RORB: variants seen among roughly 807,000 people sequenced by gnomAD.
The protein encoded by RORB is RAR related orphan receptor B.
In RORB, 6 loss-of-function variants were observed where a neutral mutation model predicts 59.1. The observed-to-expected ratio is 0.10, with a 90% CI of 0.06 to 0.20. The LOEUF (loss-of-function observed/expected upper bound fraction) is 0.20, where lower values mean the gene tolerates loss of function less well. RORB is among the 10% of genes least tolerant of loss of function. RORB has a pLI of 1.00. For synonymous variants in RORB, 215 were observed against 204.5 expected, an observed-to-expected ratio of 1.05 and a Z score of -0.44; for missense variants, 320 against 560.5, an observed-to-expected ratio of 0.57 and a Z score of 4.33.
chr9:74,618,193 G>C (rs1377627764), intron 1 of RORB, among the ~76,000 whole-genome samples: 4 of 152,046 alleles, frequency 2.6e-5, no homozygotes, highest in Admixed American at 6.6e-5. Flanking sequence ...TCTATAGTTT[G>C]TGTATGTAAG....
intron 9 of RORB, among the ~76,000 whole-genome samples, chr9:74,679,422 C>T (rs541642174): frequency 4.7e-4 from 72 of 152,246 alleles, no homozygotes; most frequent in African/African-American, 1.7e-3. Context: ...CCTCAGGCTT[C>T]CTCCCAACAG....
intron 1 of RORB, among the ~76,000 whole-genome samples, chr9:74,629,833 T>A (rs1823586461): frequency 6.6e-6 from 1 of 152,318 alleles, no homozygotes; most frequent in South Asian, 2.1e-4. Flanking sequence ...TACCATGCAC[T>A]GCTCCCTCCC....
chr9:74,667,713 T>G, intron 7 of RORB, 78 bp from the exon 8 acceptor site: 1 of 864,066 alleles, frequency 1.2e-6, no homozygotes, highest in Non-Finnish European at 2.0e-6. Context: ...GGATAGCTTA[T>G]TGATTATGAG....
intron 1 of RORB, among the ~76,000 whole-genome samples, chr9:74,538,729 A>C (rs867881429): frequency 3.1e-5 from 1 of 31,924 alleles, no homozygotes; most frequent in Non-Finnish European, 6.3e-5. Context: ...ACAAAGATGC[A>C]AAAAAAAAAA....
intron 1 of RORB, among the ~76,000 whole-genome samples, chr9:74,513,834 A>G (rs997806581): frequency 1.3e-5 from 2 of 152,128 alleles, no homozygotes; most frequent in Non-Finnish European, 2.9e-5. Flanking sequence ...CTATTTTAAT[A>G]TATAAAATCT....
At chr9:74,569,740 A>AAAGG (rs1433113111) in intron 1 of RORB, among the ~76,000 whole-genome samples, 1 of 152,054 alleles carries the variant, frequency 6.6e-6, no homozygotes, top group Admixed American at 6.5e-5. Context: ...AAAACAATAA[A>AAAGG]AAGGAAATTA....
chr9:74,674,687 T>G (rs895982815), intron 9 of RORB, among the ~76,000 whole-genome samples: 2 of 152,356 alleles, frequency 1.3e-5, no homozygotes, highest in African/African-American at 4.8e-5. Flanking sequence ...ATCCTAACAT[T>G]AACTAGAAGA....
At chr9:74,544,721 T>TCCTG (rs1826461996) in intron 1 of RORB, among the ~76,000 whole-genome samples, 1 of 152,204 alleles carries the variant, frequency 6.6e-6, no homozygotes, top group Admixed American at 6.5e-5. Flanking sequence ...ATGCACAGGT[T>TCCTG]CCTGTCTCCT....
intron 1 of RORB, among the ~76,000 whole-genome samples, chr9:74,592,599 T>C (rs2118293351): frequency 6.6e-6 from 1 of 152,224 alleles, no homozygotes; most frequent in African/African-American, 2.4e-5. Context: ...TGGCTAGTAA[T>C]GGTCAGCAAC....
intron 4 of RORB, among the ~76,000 whole-genome samples, chr9:74,648,040 A>G (rs936287731): frequency 1.3e-5 from 2 of 152,216 alleles, no homozygotes; most frequent in African/African-American, 2.4e-5. Flanking sequence ...GTGTCCTGTG[A>G]TAGAACCTGT....
intron 1 of RORB, among the ~76,000 whole-genome samples, chr9:74,564,575 G>A (rs1260867105): frequency 6.6e-6 from 1 of 152,130 alleles, no homozygotes; most frequent in East Asian, 1.9e-4. Flanking sequence ...TGGTTGCTCT[G>A]TTTTTCTTCC....
chr9:74,539,252 T>C (rs779977226), intron 1 of RORB, among the ~76,000 whole-genome samples: 1 of 152,160 alleles, frequency 6.6e-6, no homozygotes, highest in Non-Finnish European at 1.5e-5. Context: ...TCAGAGATAA[T>C]GACATATATT....
chr9:74,603,946 A>G (rs993093634), intron 1 of RORB, among the ~76,000 whole-genome samples: 24 of 152,236 alleles, frequency 1.6e-4, no homozygotes, highest in African/African-American at 5.3e-4. Context: ...CCTAACTATT[A>G]TGCTAAAAGG....
At chr9:74,653,188 T>C (rs1046000138) in intron 4 of RORB, among the ~76,000 whole-genome samples, 10 of 152,182 alleles carry the variant, frequency 6.6e-5, no homozygotes, top group African/African-American at 2.4e-4. Context: ...TAATATGTTT[T>C]AGTTACTGCC....
intron 1 of RORB, among the ~76,000 whole-genome samples, chr9:74,612,202 T>C (rs1431681820): frequency 1.3e-5 from 2 of 151,746 alleles, no homozygotes; most frequent in African/African-American, 4.8e-5. Flanking sequence ...AGGTTAGGTG[T>C]GGGTAATTGG....
At chr9:74,603,361 A>G (rs965118025) in intron 1 of RORB, among the ~76,000 whole-genome samples, 2 of 152,200 alleles carry the variant, frequency 1.3e-5, no homozygotes, top group Admixed American at 6.5e-5. Context: ...TGCCAAGCAC[A>G]AGGAAGGAAT....
intron 1 of RORB, among the ~76,000 whole-genome samples, chr9:74,602,016 C>T (rs903552541): frequency 2.4e-4 from 36 of 152,128 alleles, no homozygotes; most frequent in African/African-American, 8.2e-4. Context: ...AGTCCCACAC[C>T]GACACTTCCT....
At chr9:74,505,096 T>C (rs1291312671) in intron 1 of RORB, among the ~76,000 whole-genome samples, 1 of 152,140 alleles carries the variant, frequency 6.6e-6, no homozygotes, top group Non-Finnish European at 1.5e-5. Context: ...AAAAAGGCCT[T>C]GGCATTTATA....
chr9:74,562,731 C>T (rs983800546), intron 1 of RORB, among the ~76,000 whole-genome samples: 5 of 152,162 alleles, frequency 3.3e-5, no homozygotes, highest in African/African-American at 7.2e-5. Context: ...AGAATGAGAG[C>T]ACACAACTAG....
Sources: allele counts gnomAD v4.1 joint callset (sites outside exome capture counted in the v4.1 genomes callset), GRCh38; gene constraint gnomAD v4.1.1; transcripts MANE v1.5; gene names NCBI Gene and HGNC (gene_info 2026-07-23, HGNC 2026-07-21).